CADPS: variants seen among roughly 807,000 people sequenced by gnomAD.
CADPS encodes the protein calcium-dependent secretion activator 1.
CADPS carries 57 observed loss-of-function variants against 167.3 expected under a neutral mutation model. That is an observed-to-expected ratio of 0.34 (90% CI 0.28 to 0.42). CADPS has a LOEUF of 0.42. Among genes scored for constraint, CADPS ranks in the 20% least tolerant of loss-of-function variants. The probability of loss-of-function intolerance (pLI) is 1.00; values close to 1 mark genes in which losing one functional copy is unlikely to be tolerated. For synonymous variants in CADPS, 676 were observed against 635.3 expected, an observed-to-expected ratio of 1.06 and a Z score of -0.96; for missense variants, 1,414 against 1,738.1, an observed-to-expected ratio of 0.81 and a Z score of 3.32.
chr3:62,399,245 A>C lies in CADPS; in HGVS notation c.*161T>G, dbSNP rs1705024917. 1.6e-6 allele frequency: 1 copy of C among 620,758 alleles called. No homozygotes were observed. 38.5% of individuals were successfully genotyped at this position (620,758 alleles called of 1,614,324 possible). ...CAGGAAATCAGTGGATATGAAGGTC[A>C]TTTGCTAATCTTGGTACCACATAGC... On this transcript the variant is annotated 3_prime_UTR_variant, in exon 30 of 30. Transcript: ENST00000383710. This position sits in a 1 kb window ranked among gnomAD's most constrained non-coding sequence, Gnocchi z 5.6.
intron 3 of CADPS, among the ~76,000 whole-genome samples, chr3:62,744,385 G>A (rs1256513759): frequency 6.6e-6 from 1 of 151,208 alleles, no homozygotes; most frequent in African/African-American, 2.4e-5. Flanking sequence ...GAAACACAAA[G>A]GGCTAACAAC....
At chr3:62,468,285 C>A (rs912242373) in intron 24 of CADPS, among the ~76,000 whole-genome samples, 2 of 152,122 alleles carry the variant, frequency 1.3e-5, no homozygotes, top group African/African-American at 4.8e-5. Context: ...CTGCCTCACT[C>A]GTCTAGGTTT....
chr3:62,683,390 C>A (rs572186405), intron 3 of CADPS, among the ~76,000 whole-genome samples: 6 of 152,096 alleles, frequency 3.9e-5, no homozygotes, highest in African/African-American at 1.2e-4. Context: ...AGGCTAGGCA[C>A]TTTATAGCAT....
chr3:62,610,577 C>G (rs2061369496), intron 6 of CADPS, among the ~76,000 whole-genome samples: 1 of 152,156 alleles, frequency 6.6e-6, no homozygotes, highest in South Asian at 2.1e-4. Flanking sequence ...AAGGCCATAA[C>G]TAAACTTAAA....
intron 3 of CADPS, among the ~76,000 whole-genome samples, chr3:62,747,370 C>A (rs1422639916): frequency 1.3e-5 from 2 of 152,064 alleles, no homozygotes; most frequent in Non-Finnish European, 2.9e-5. Flanking sequence ...AACTTCTGGA[C>A]AAGGAAAAAG....
intron 6 of CADPS, among the ~76,000 whole-genome samples, chr3:62,640,717 T>C (rs1029032525): frequency 6.6e-6 from 1 of 152,178 alleles, no homozygotes; most frequent in Non-Finnish European, 1.5e-5. Context: ...AAGTGGCATC[T>C]TTGGTTTCAA....
chr3:62,859,847 T>C (rs1189450407), intron 1 of CADPS, among the ~76,000 whole-genome samples: 1 of 152,192 alleles, frequency 6.6e-6, no homozygotes, highest in Non-Finnish European at 1.5e-5. Context: ...AAGTGCCTTA[T>C]AGGAAAACAC....
At chr3:62,515,972 TC>T in intron 16 of CADPS, 86 bp downstream of exon 16, 1 of 1,528,226 alleles carries the variant, frequency 6.5e-7, no homozygotes, top group Non-Finnish European at 9.0e-7. Flanking sequence ...ACCACTGTTT[TC>T]AGGTGCCCTT....
chr3:62,579,135 T>C (rs1412574208), intron 8 of CADPS, among the ~76,000 whole-genome samples: 1 of 152,226 alleles, frequency 6.6e-6, no homozygotes, highest in African/African-American at 2.4e-5. Context: ...TGGACTGTGG[T>C]TCATTGAATG....
At position 62,843,424 on chromosome 3, in the gene CADPS, G is replaced by T. The variant is rs528377537; in HGVS notation, c.441+31165C>A. Among the ~76,000 whole-genome samples, 29 of 152,052 alleles carry T rather than the reference G, an allele frequency of 1.9e-4. No homozygotes were observed. The South Asian group carries it at 4.6e-3, about 24-fold the overall frequency. On this transcript the variant is annotated intron_variant, in intron 1 of 29. Transcript: ENST00000383710. ...AAAGACAATTATCTTGTGTGTTTTT[G>T]TAATAGAAATATAACTGAATTACAA...
chr3:62,458,955 G>T lies in CADPS; in HGVS notation c.3636+6412C>A, dbSNP rs558709486. Among the ~76,000 whole-genome samples, 4 of 152,280 alleles carry T rather than the reference G, an allele frequency of 2.6e-5. No individual in the cohort carries two copies. In the East Asian group the frequency reaches 7.7e-4, roughly 29 times the overall value. ...TTTTCTCTTCTGTAAAGCTTCTGAA[G>T]GGTTGCTTCAGACAGCAAGTGTGTT... is the stretch of plus-strand genomic sequence containing the variant. On this transcript the variant is annotated intron_variant, in intron 26 of 29. Transcript: ENST00000383710. This position sits in a 1 kb window ranked among gnomAD's most constrained non-coding sequence, Gnocchi z 4.6.
intron 3 of CADPS, among the ~76,000 whole-genome samples, chr3:62,687,543 T>C (rs1485935750): frequency 3.3e-5 from 5 of 152,078 alleles, no homozygotes; most frequent in African/African-American, 1.2e-4. Context: ...AAAGGGAAGG[T>C]TGTGAGACCC....
chr3:62,814,528 T>A (rs985374695), intron 1 of CADPS: 3 of 152,162 alleles, frequency 2.0e-5, no homozygotes, highest in Admixed American at 6.6e-5. Flanking sequence ...TTTACTTTTT[T>A]AATATATAAT....
intron 3 of CADPS, among the ~76,000 whole-genome samples, chr3:62,688,014 C>A (rs1044223503): frequency 3.3e-5 from 5 of 152,010 alleles, no homozygotes; most frequent in African/African-American, 1.2e-4. Flanking sequence ...TGAGCATGTG[C>A]TTTGCTAGGT....
At chr3:62,729,130 C>A (rs2077272065) in intron 3 of CADPS, among the ~76,000 whole-genome samples, 1 of 151,924 alleles carries the variant, frequency 6.6e-6, no homozygotes, top group African/African-American at 2.4e-5. Flanking sequence ...GTGACAGCAT[C>A]CAAAAGGTTC....
intron 3 of CADPS, among the ~76,000 whole-genome samples, chr3:62,711,215 A>G (rs959783759): frequency 3.9e-5 from 6 of 152,218 alleles, no homozygotes; most frequent in Non-Finnish European, 7.3e-5. Flanking sequence ...ATTTTTAATA[A>G]TAGGTATTTA....
At chr3:62,541,653 T>C (rs2075716425) in intron 11 of CADPS, among the ~76,000 whole-genome samples, 1 of 152,152 alleles carries the variant, frequency 6.6e-6, no homozygotes, top group African/African-American at 2.4e-5. Context: ...AGTGATACTA[T>C]TATGTGGGTT....
intron 1 of CADPS, among the ~76,000 whole-genome samples, chr3:62,825,117 C>T (rs2152955294): frequency 6.6e-6 from 1 of 152,236 alleles, no homozygotes; most frequent in South Asian, 2.1e-4. Context: ...TTTTGTTCTA[C>T]ATTGCTTGTT....
intron 1 of CADPS, among the ~76,000 whole-genome samples, chr3:62,788,114 T>G (rs1280806917): frequency 1.3e-5 from 2 of 152,214 alleles, no homozygotes; most frequent in African/African-American, 2.4e-5. Flanking sequence ...CAAGGCCCGC[T>G]TGAATGATGT....
Sources: gnomAD v4.1 joint callset for allele counts (sites outside exome capture counted in the v4.1 genomes callset) on GRCh38, gnomAD v4.1.1 for gene constraint, Gnocchi (gnomAD v3.1) non-coding constraint, MANE v1.5 for transcripts, NCBI Gene and HGNC (gene_info 2026-07-23, HGNC 2026-07-21) for gene names.